The following ADCY1 variants were observed in gnomAD, a reference collection of about 807,000 sequenced individuals.
The protein encoded by ADCY1 is adenylate cyclase type 1.
A neutral mutation model predicts 105.4 loss-of-function variants in ADCY1; 28 were observed. That is an observed-to-expected ratio of 0.27 (90% CI 0.20 to 0.36). ADCY1 has a LOEUF of 0.36. Ranked by LOEUF, ADCY1 falls within the 10% of genes least tolerant of loss-of-function variation. The pLI is 1.00. For synonymous variants in ADCY1, 655 were observed against 623.8 expected, an observed-to-expected ratio of 1.05 and a Z score of -0.75; for missense variants, 977 against 1,434.2, an observed-to-expected ratio of 0.68 and a Z score of 5.15.
Position 45,574,836 on chromosome 7 carries a change from A to G in ADCY1, c.293A>G (p.His98Arg). ...PGLAKGSHPV[H>R]CVLFLALLVV... ...CTGGCCAAGGGCTCACACCCGGTGC[A>G]CTGCGTCCTCTTCCTGGCGCTGCTC... The change falls in exon 1 of 20, where the codon CAC becomes CGC. Residue 98 changes from histidine (H) to arginine (R), a missense_variant. His to Arg is a conservative substitution (Grantham distance 29, BLOSUM62 0). Around this residue, in one of 7 missense-constraint regions of ADCY1, gnomAD observed 209 missense variants for 222.5 expected, o/e 0.94. Coordinates refer to ENST00000297323, the MANE Select transcript of ADCY1 (RefSeq NM_021116.4). The surrounding 1 kb of genome is among the most constrained non-coding windows in gnomAD (Gnocchi z 7.0). 6.2e-7 allele frequency: 1 copy of G among 1,610,334 alleles called. No homozygotes were observed. The highest frequency in any genetic ancestry group is 8.5e-7 in the Non-Finnish European group (1 of 1,179,440).
intron 5 of ADCY1, among the ~76,000 whole-genome samples, chr7:45,655,909 T>C (rs2116093977): frequency 6.6e-6 from 1 of 152,318 alleles, no homozygotes; most frequent in African/African-American, 2.4e-5. Flanking sequence ...CTTTTGTGAA[T>C]TTTGAAAAAT....
At chr7:45,712,347 A>G (rs1056074928) in intron 19 of ADCY1, among the ~76,000 whole-genome samples, 4 of 150,346 alleles carry the variant, frequency 2.7e-5, no homozygotes, top group African/African-American at 9.8e-5. Context: ...GGAGAACTTC[A>G]TGGGAGCCCC....
At position 45,721,720 on chromosome 7, in the gene ADCY1, G is replaced by A. The variant is rs929423170; in HGVS notation, c.*7725G>A. On this transcript the variant is annotated 3_prime_UTR_variant, in exon 20 of 20. Coordinates refer to ENST00000297323, the MANE Select transcript of ADCY1 (RefSeq NM_021116.4). ...GGGGTTAGAGGATGTTCAAAGGGCC[G>A]ATTTCAGCAGGAGTTCAGAGGGCTT... 10 of 398,544 alleles carry A rather than the reference G, an allele frequency of 2.5e-5. No individual in the cohort carries two copies. Among genetic ancestry groups the A allele is most frequent in the Non-Finnish European group, 4.0e-5 (9 of 226,146 alleles). The allele number at this position is 398,544 out of a possible 1,614,324, so 24.7% of individuals were successfully genotyped here.
In ADCY1 at chr7:45,681,791, G is replaced by A. The variant is rs149226998; in HGVS notation, c.1983+1998G>A. 1.6e-3 allele frequency among the ~76,000 whole-genome samples: 239 copies of A among 152,300 alleles called. No individual in the cohort carries two copies. The Middle Eastern group carries it at 0.024, about 15-fold the overall frequency. On this transcript the variant is annotated intron_variant, in intron 11 of 19. Transcript: ENST00000297323. ...AGGAAGCCAGCAGGGGATAGGTCAG[G>A]GCCACCCAGCAGAAGGCCATTGTGG...
In ADCY1 at chr7:45,621,858, C is replaced by G. The variant is rs143698088; in HGVS notation, c.909-774C>G. ...GACCCTGTGGAGAGATATCTTAAAG[C>G]TACAACATTTTTACAGACAAAAATA... On this transcript the variant is annotated intron_variant, in intron 3 of 19. Coordinates refer to ENST00000297323, the MANE Select transcript of ADCY1 (RefSeq NM_021116.4). 4.0e-3 allele frequency among the ~76,000 whole-genome samples: 609 copies of G among 152,286 alleles called. 1 individual carries two copies. Among genetic ancestry groups the G allele is most frequent in the Admixed American group, 8.3e-3 (127 of 15,308 alleles).
intron 1 of ADCY1, among the ~76,000 whole-genome samples, 186 bp from the exon 2 acceptor site, chr7:45,592,573 C>T (rs1792953282): frequency 6.6e-6 from 1 of 152,220 alleles, no homozygotes; most frequent in Admixed American, 6.5e-5. Flanking sequence ...TGTCTCACAG[C>T]CGCCCGGACA....
chr7:45,685,116 G>C (rs368812504), intron 12 of ADCY1, 48 bp downstream of exon 12: 3 of 1,534,502 alleles, frequency 2.0e-6, no homozygotes, highest in Non-Finnish European at 2.7e-6. Flanking sequence ...AGAGGGCATG[G>C]CATGGAGGAC....
chr7:45,714,050 ACACAGGC>A lies in ADCY1; in HGVS notation c.*59_*65del. ...ATGGGGTGGGAATGCTCCGGGGGTG[ACACAGGC>A]CACGGTGGCTCCAGCCAGGACCAGC... On this transcript the variant is annotated 3_prime_UTR_variant, in exon 20 of 20. Coordinates refer to ENST00000297323, the MANE Select transcript of ADCY1 (RefSeq NM_021116.4). The A allele has an allele frequency of 1.4e-6, 1 of 707,238 alleles. No individual in the cohort carries two copies. The highest frequency in any genetic ancestry group is 1.9e-5 in the Admixed American group (1 of 52,016). The allele number at this position is 707,238 out of a possible 1,614,324, so 43.8% of individuals were successfully genotyped here.
chr7:45,667,869 G>T (rs940986917), intron 8 of ADCY1, among the ~76,000 whole-genome samples: 1 of 152,136 alleles, frequency 6.6e-6, no homozygotes, highest in African/African-American at 2.4e-5. Context: ...TGGATTCCTA[G>T]GTATTTTATT....
chr7:45,722,691 G>T lies in ADCY1; in HGVS notation c.*8696G>T, dbSNP rs924188183. The T allele has an allele frequency of 6.6e-6, 1 of 152,424 alleles. No individual in the cohort carries two copies. The highest frequency in any genetic ancestry group is 6.5e-5 in the Admixed American group (1 of 15,274). The allele number at this position is 152,424 out of a possible 1,614,324, so 9.4% of individuals were successfully genotyped here. ...TTGTGTAAGCGCCTGCGTTCTTCTG[G>T]GTTTGGCTAGATAGGGTTGTGTCCC... On this transcript the variant is annotated 3_prime_UTR_variant, in exon 20 of 20. Transcript: ENST00000297323.
intron 11 of ADCY1, chr7:45,684,331 G>A (rs1784624281): frequency 6.6e-6 from 1 of 152,288 alleles, no homozygotes. Context: ...CTGACCTCAT[G>A]TGGGGGTTAA....
chr7:45,708,517 C>A lies in ADCY1; in HGVS notation c.2932+53C>A. 7.1e-7 allele frequency: 1 copy of A among 1,404,800 alleles called. No individual in the cohort carries two copies. Among genetic ancestry groups the A allele is most frequent in the Non-Finnish European group, 1.0e-6 (1 of 993,144 alleles). 87.0% of individuals were successfully genotyped at this position (1,404,800 alleles called of 1,614,324 possible). A position where few individuals can be genotyped will look rare whatever the true frequency, so the allele number is the denominator to read the frequency against. ...ATCCATGTGGAACACCTTCCTACAC[C>A]CACCTAGGGGTGGGATCAGCTGATG... On this transcript the variant is annotated intron_variant, in intron 18 of 19. Coordinates refer to ENST00000297323, the MANE Select transcript of ADCY1 (RefSeq NM_021116.4). This position sits in a 1 kb window ranked among gnomAD's most constrained non-coding sequence, Gnocchi z 4.7.
chr7:45,627,604 G>A (rs2115953220), intron 4 of ADCY1, among the ~76,000 whole-genome samples: 1 of 152,278 alleles, frequency 6.6e-6, no homozygotes, highest in Non-Finnish European at 1.5e-5. Flanking sequence ...TGAAGCTGGG[G>A]GACCTCTGAT....
chr7:45,658,521 A>T (rs1266894009), intron 6 of ADCY1, among the ~76,000 whole-genome samples: 1 of 152,138 alleles, frequency 6.6e-6, no homozygotes, highest in Non-Finnish European at 1.5e-5. Flanking sequence ...CTTCTCCAGA[A>T]CACTGGCTGC....
chr7:45,607,054 C>T (rs970301704), intron 2 of ADCY1, among the ~76,000 whole-genome samples: 8 of 151,524 alleles, frequency 5.3e-5, no homozygotes, highest in Non-Finnish European at 8.8e-5. Context: ...CAGATGGCAG[C>T]TTGCTTCCTG....
chr7:45,696,899 C>T (rs1784893226), intron 14 of ADCY1, among the ~76,000 whole-genome samples: 1 of 152,134 alleles, frequency 6.6e-6, no homozygotes, highest in Non-Finnish European at 1.5e-5. Flanking sequence ...AGACAGAATG[C>T]CATGAAGGCC....
chr7:45,619,807 A>G (rs1290272728), intron 3 of ADCY1, among the ~76,000 whole-genome samples: 1 of 152,224 alleles, frequency 6.6e-6, no homozygotes, highest in Non-Finnish European at 1.5e-5. Context: ...GAGATCTAAC[A>G]TGCGGCATGG....
chr7:45,695,059 C>A lies in ADCY1; in HGVS notation c.2455-8317C>A, dbSNP rs187995168. On this transcript the variant is annotated intron_variant, in intron 14 of 19. Coordinates refer to ENST00000297323, the MANE Select transcript of ADCY1 (RefSeq NM_021116.4). ...TCCAAGCCCTCTAGCCTTGTCAAAT[C>A]TGGGAGACCCCTAGGCTCCACAGGC... is the stretch of plus-strand genomic sequence containing the variant. 9.0e-4 allele frequency among the ~76,000 whole-genome samples: 137 copies of A among 152,340 alleles called. 1 individual carries two copies. Among genetic ancestry groups the A allele is most frequent in the Admixed American group, 3.7e-3 (56 of 15,304 alleles).
Position 45,677,972 on chromosome 7 carries a change from G to C in ADCY1, c.1709G>C (p.Ser570Thr), listed in dbSNP as rs1458172812. The change falls in exon 9 of 20, where the codon AGC becomes ACC. Residue 570 changes from serine to threonine, a missense_variant. Physicochemically the swap from Ser to Thr is moderately conservative, Grantham distance 58 (BLOSUM62 1). Coordinates refer to ENST00000297323, the MANE Select transcript of ADCY1 (RefSeq NM_021116.4). Reference sequence around the variant, plus strand: ...GGCACTCGCGTCAACAGGTACATCAGCCGCCTCTTAGAAGCCCGCCAGACA... The same window carrying C: ...GGCACTCGCGTCAACAGGTACATCACCCGCCTCTTAGAAGCCCGCCAGACA... ...TPGTRVNRYISRLLEARQTEL... is the reference protein window; with the variant it reads ...TPGTRVNRYITRLLEARQTEL... 1 of 1,614,090 alleles carries C rather than the reference G, an allele frequency of 6.2e-7. No individual in the cohort carries two copies. The highest frequency in any genetic ancestry group is 1.3e-5 in the African/African-American group (1 of 74,920).
Sources: allele counts gnomAD v4.1 joint callset (sites outside exome capture counted in the v4.1 genomes callset), GRCh38; gene constraint gnomAD v4.1.1; regional missense constraint gnomAD v4.1.1; non-coding constraint Gnocchi (gnomAD v3.1); transcripts MANE v1.5; gene names NCBI Gene and HGNC (gene_info 2026-07-23, HGNC 2026-07-21).